The following CYP2A13 variants were observed in gnomAD, a reference collection of about 807,000 sequenced individuals.
CYP2A13 encodes the protein cytochrome P450 family 2 subfamily A member 13, also known as cytochrome P450 2A13.
CYP2A13 carries 30 observed loss-of-function variants against 39.4 expected under a neutral mutation model. The ratio of observed to expected loss-of-function variants is 0.76; its 90% CI spans 0.57 to 1.03. The LOEUF (loss-of-function observed/expected upper bound fraction) is 1.03, where lower values mean the gene tolerates loss of function less well. CYP2A13 is among the 50% of genes least tolerant of loss of function. CYP2A13 has a pLI of 0.00. For synonymous variants in CYP2A13, 269 were observed against 254.7 expected (o/e 1.06, Z -0.54); for missense variants, 731 against 648.4 (o/e 1.13, Z -1.38).
rs565887300 is a variant in CYP2A13 at position 41,090,480 on chromosome 19, C to A, written c.570C>A (p.Arg190=). 6.2e-7 allele frequency: 1 copy of A among 1,614,184 alleles called. No homozygotes were observed. Among genetic ancestry groups the A allele is most frequent in the East Asian group, 2.2e-5 (1 of 44,884 alleles). Residue 190 remains arginine (R), a synonymous_variant, in exon 4 of 9, where the codon CGC becomes CGA. Coordinates refer to ENST00000330436, the MANE Select transcript of CYP2A13 (RefSeq NM_000766.5). ...NVISSIVFGD[R]FDYEDKEFLS... Reference sequence around the variant, plus strand: ...TCAGCTCCATTGTCTTTGGGGACCGCTTTGACTATGAGGACAAAGAGTTCC... The same window carrying A: ...TCAGCTCCATTGTCTTTGGGGACCGATTTGACTATGAGGACAAAGAGTTCC...
intron 5 of CYP2A13, among the ~76,000 whole-genome samples, chr19:41,092,786 A>G (rs2031220174): frequency 6.6e-6 from 1 of 152,204 alleles, no homozygotes; most frequent in South Asian, 2.1e-4. Context: ...CCCATGTGGG[A>G]AGGCTTTAGG....
intron 4 of CYP2A13, among the ~76,000 whole-genome samples, chr19:41,090,881 C>T (rs1645692): frequency 0.011 from 1,736 of 152,282 alleles, 30 homozygotes; most frequent in African/African-American, 0.04. Context: ...CAGGTGCTCC[C>T]TACCCAGTTC....
intron 2 of CYP2A13, among the ~76,000 whole-genome samples, chr19:41,089,672 C>T (rs1568366542): frequency 6.6e-6 from 1 of 151,466 alleles, no homozygotes; most frequent in East Asian, 1.9e-4. Context: ...CACTTCCCCT[C>T]CCTCCATCTC....
rs1599656745 is a variant in CYP2A13, at chr19:41,095,664, C to A, written c.1304-96C>A. ...AAGTCTCTCAGGCCATAATATTCCA[C>A]CCCTCCTCCCTAGAGAGTGCAGCCG... On this transcript the variant is annotated intron_variant, in intron 8 of 8. Transcript: ENST00000330436. The A allele has an allele frequency of 1.9e-5, 28 of 1,488,158 alleles. No homozygotes were observed. The East Asian group carries it at 6.1e-4, about 33-fold the overall frequency. 92.2% of individuals were successfully genotyped at this position (1,488,158 alleles called of 1,614,324 possible).
intron 8 of CYP2A13, among the ~76,000 whole-genome samples, chr19:41,095,420 T>C (rs1296178790): frequency 1.3e-5 from 2 of 152,080 alleles, no homozygotes; most frequent in African/African-American, 4.8e-5. Flanking sequence ...GGTAGGGGCA[T>C]CTAAACCTCC....
intron 2 of CYP2A13, 90 bp from the exon 3 acceptor site, chr19:41,089,957 T>C (rs930590711): frequency 1.1e-5 from 15 of 1,411,036 alleles, no homozygotes; most frequent in Admixed American, 5.7e-5. Flanking sequence ...ACTCCCTCTC[T>C]GCTCCACCCT....
At chr19:41,090,227 GA>G in intron 3 of CYP2A13, 31 bp downstream of exon 3, 1 of 1,549,378 alleles carries the variant, frequency 6.5e-7, no homozygotes, top group Non-Finnish European at 8.7e-7. Context: ...GCGAGGGCGG[GA>G]ACCCGCGCTT....
chr19:41,091,999 C>A (rs2031201069), intron 5 of CYP2A13, 91 bp downstream of exon 5: 2 of 1,537,594 alleles, frequency 1.3e-6, no homozygotes, highest in African/African-American at 2.7e-5. Flanking sequence ...CAGGCCCATT[C>A]AAATTAGCCC....
Position 41,096,008 on chromosome 19 carries a change from T to C in CYP2A13, c.*67T>C. 7.2e-7 allele frequency: 1 copy of C among 1,385,042 alleles called. No homozygotes were observed. 85.8% of individuals were successfully genotyped at this position (1,385,042 alleles called of 1,614,324 possible). On this transcript the variant is annotated 3_prime_UTR_variant, in exon 9 of 9. Transcript: ENST00000330436. ...GAAACGGCCGGGGCAGGGGCGGGGC[T>C]TGTGGGAGGGGCGGGGCTAAGAATG...
intron 1 of CYP2A13, 58 bp downstream of exon 1, chr19:41,088,709 C>T (rs1199445603): frequency 4.4e-6 from 7 of 1,580,320 alleles, no homozygotes; most frequent in Non-Finnish European, 6.0e-6. Context: ...TTGGCTGGGG[C>T]TTTGTGGCAG....
rs184613049 is a variant in CYP2A13, at chr19:41,091,958, A to C, written c.831+50A>C. ...CAGGTGCAAAGCCAGGGAGAGGGAA[A>C]TCAGGATGGGAGTGGGGTGGGCAGA... On this transcript the variant is annotated intron_variant, in intron 5 of 8. Transcript: ENST00000330436. The C allele has an allele frequency of 1.0e-4, 160 of 1,604,428 alleles. No homozygotes were observed. In the African/African-American group the frequency reaches 1.9e-3, roughly 19 times the overall value.
chr19:41,089,137 G>T, intron 2 of CYP2A13, 46 bp downstream of exon 2: 2 of 1,609,134 alleles, frequency 1.2e-6, no homozygotes, highest in Non-Finnish European at 1.7e-6. Flanking sequence ...TGGATGCAAT[G>T]GTCTCCGTGT....
At chr19:41,093,577 G>C in intron 5 of CYP2A13, 53 bp from the exon 6 acceptor site, 1 of 1,609,156 alleles carries the variant, frequency 6.2e-7, no homozygotes, top group Non-Finnish European at 8.5e-7. Context: ...AGCCCTAGAA[G>C]GGCCCCAAGA....
chr19:41,090,582 G>T lies in CYP2A13; in HGVS notation c.654+18G>T, dbSNP rs1326144359. The T allele has an allele frequency of 6.2e-7, 1 of 1,613,778 alleles. No homozygotes were observed. Among genetic ancestry groups the T allele is most frequent in the Non-Finnish European group, 8.5e-7 (1 of 1,179,890 alleles). On this transcript the variant is annotated intron_variant, in intron 4 of 8. Coordinates refer to ENST00000330436, the MANE Select transcript of CYP2A13 (RefSeq NM_000766.5). ...CGGGGCAGGTAACTGGCTGCAGCCC[G>T]CCAGTGACGCCCCTACCACAACCTG...
chr19:41,093,903 T>G (rs1475455635), intron 6 of CYP2A13, 132 bp downstream of exon 6: 4 of 1,100,906 alleles, frequency 3.6e-6, no homozygotes, highest in East Asian at 2.5e-5. Flanking sequence ...CAGGACAATA[T>G]TCAGCTGATA....
At chr19:41,089,849 TCTCTCTCTCTCTCTC>T (rs2031137201) in intron 2 of CYP2A13, among the ~76,000 whole-genome samples, 183 bp from the exon 3 acceptor site, 1 of 122,100 alleles carries the variant, frequency 8.2e-6, no homozygotes, top group Non-Finnish European at 1.8e-5. Context: ...TCTCTCTCTC[TCTCTCTCTCTCTCTC>T]TCTCTCTCGT....
At chr19:41,090,929 A>G (rs565917550) in intron 4 of CYP2A13, among the ~76,000 whole-genome samples, 2 of 152,330 alleles carry the variant, frequency 1.3e-5, no homozygotes, top group African/African-American at 4.8e-5. Flanking sequence ...TGACTGCGTC[A>G]ACCCGCCTCC....
At position 41,094,962 on chromosome 19, in the gene CYP2A13, A is replaced by G. The variant is rs377513807; in HGVS notation, c.1165A>G (p.Thr389Ala). 5 of 1,613,786 alleles carry G rather than the reference A, an allele frequency of 3.1e-6. No individual in the cohort carries two copies. In the South Asian group the frequency reaches 3.3e-5, roughly 11 times the overall value. Reference protein sequence around the residue: ...KFRDFFLPKGTEVFPMLGSVL... With the variant: ...KFRDFFLPKGAEVFPMLGSVL... ...ACACCTTCCTCCTCCCTCCCAGGGC[A>G]CTGAAGTGTTCCCTATGCTGGGCTC... Residue 389 changes from threonine (T) to alanine (A), a missense_variant, in exon 8 of 9, where the codon ACT becomes GCT. Physicochemically the swap from Thr to Ala is moderately conservative, Grantham distance 58. Coordinates refer to ENST00000330436, the MANE Select transcript of CYP2A13 (RefSeq NM_000766.5).
At chr19:41,095,149 C>T in intron 8 of CYP2A13, 49 bp downstream of exon 8, 1 of 1,613,796 alleles carries the variant, frequency 6.2e-7, no homozygotes, top group Non-Finnish European at 8.5e-7. Context: ...CCAGCAGGGG[C>T]CTCTCTCACC....
Sources: gnomAD v4.1 joint callset for allele counts (sites outside exome capture counted in the v4.1 genomes callset) on GRCh38, gnomAD v4.1.1 for gene constraint, MANE v1.5 for transcripts, NCBI Gene and HGNC (gene_info 2026-07-23, HGNC 2026-07-21) for gene names.